PIN4: variants seen among roughly 807,000 people sequenced by gnomAD.
PIN4 encodes peptidylprolyl cis/trans isomerase, NIMA-interacting 4.
PIN4 carries 3 observed loss-of-function variants against 8.3 expected under a neutral mutation model. The observed-to-expected ratio is 0.36, with a 90% CI of 0.16 to 0.93. The LOEUF (loss-of-function observed/expected upper bound fraction) is 0.93, where lower values mean the gene tolerates loss of function less well. Among genes scored for constraint, PIN4 ranks in the 40% least tolerant of loss-of-function variants. The probability of loss-of-function intolerance (pLI) is 0.44; values close to 1 mark genes in which losing one functional copy is unlikely to be tolerated. For synonymous variants in PIN4, 18 were observed against 32.5 expected, an observed-to-expected ratio of 0.55 and a Z score of 1.52; for missense variants, 75 against 100.6, an observed-to-expected ratio of 0.75 and a Z score of 1.09.
At chrX:72,196,646 G>T in intron 2 of PIN4, 139 bp from the exon 3 acceptor site, 1 of 465,481 alleles carries the variant, frequency 2.1e-6, no homozygotes, top group Non-Finnish European at 3.5e-6. Flanking sequence ...GTTGTCCTGG[G>T]CAAACTTCCA....
downstream of PIN4, among the ~76,000 whole-genome samples, chrX:72,203,285 A>G (rs763155999): frequency 8.0e-5 from 9 of 111,984 alleles, no homozygotes; most frequent in Non-Finnish European, 1.5e-4. Context: ...TGTAGTCTTT[A>G]TAATAAGCTG....
intron 3 of PIN4, among the ~76,000 whole-genome samples, chrX:72,239,384 G>T (rs1303561799): frequency 8.9e-6 from 1 of 112,537 alleles, no homozygotes; most frequent in Non-Finnish European, 1.9e-5. Flanking sequence ...CGCATCCACA[G>T]ATATCTTCCC....
intron 3 of PIN4, chrX:72,207,146 C>T (rs746226184): frequency 5.0e-6 from 6 of 1,211,435 alleles, no homozygotes; most frequent in South Asian, 1.8e-5. Context: ...GTTAAACCGA[C>T]ACCACCTACT....
chrX:72,233,038 G>A (rs1440727759), intron 3 of PIN4, among the ~76,000 whole-genome samples: 1 of 111,361 alleles, frequency 9.0e-6, no homozygotes, highest in Non-Finnish European at 1.9e-5. Context: ...TATCCTGAAC[G>A]TATTACTTCC....
At chrX:72,198,684 T>C (rs2042778468), downstream of PIN4, 1 of 111,480 alleles carries the variant, frequency 9.0e-6, no homozygotes, top group Admixed American at 9.5e-5. Flanking sequence ...GTGTCAGCAC[T>C]AAGTTCAGCA....
intron 3 of PIN4, among the ~76,000 whole-genome samples, chrX:72,242,786 C>T (rs1485573175): frequency 1.8e-5 from 2 of 112,237 alleles, no homozygotes; most frequent in Non-Finnish European, 1.9e-5. Context: ...GAGGCCGAGG[C>T]GGGCGGATCA....
chrX:72,214,532 G>A (rs2042875905), intron 3 of PIN4, among the ~76,000 whole-genome samples: 1 of 110,056 alleles, frequency 9.1e-6, no homozygotes, highest in Admixed American at 9.7e-5. Flanking sequence ...AATTAGCCAG[G>A]CATGGTGGCA....
chrX:72,210,259 T>A (rs2042846730), intron 3 of PIN4, among the ~76,000 whole-genome samples: 1 of 108,460 alleles, frequency 9.2e-6, no homozygotes, highest in Non-Finnish European at 1.9e-5. Context: ...AAAAAAGATA[T>A]ACAGATGGGC....
chrX:72,183,530 G>A (rs773704398), intron 1 of PIN4, among the ~76,000 whole-genome samples: 1 of 111,473 alleles, frequency 9.0e-6, no homozygotes, highest in Non-Finnish European at 1.9e-5. Flanking sequence ...GTTTTAAAGA[G>A]AGAGGGTATA....
chrX:72,182,260 G>A lies in PIN4; in HGVS notation c.43+432G>A, dbSNP rs759388462. 2.5e-3 allele frequency among the ~76,000 whole-genome samples: 278 copies of A among 112,394 alleles called. 2 individuals are homozygous for A. The highest frequency in any genetic ancestry group is 4.2e-3 in the Non-Finnish European group (222 of 53,277). On this transcript the variant is annotated intron_variant, in intron 1 of 3. Transcript: ENST00000373669. ...CTGAGGATACACAAATAAGACAGAA[G>A]GCTGGGCGCGGTGGCTCACGCCTAT... is the stretch of plus-strand genomic sequence containing the variant.
chrX:72,223,967 C>T (rs901630452), intron 3 of PIN4, among the ~76,000 whole-genome samples: 1 of 111,052 alleles, frequency 9.0e-6, no homozygotes, highest in Non-Finnish European at 1.9e-5. Context: ...AATGGATACA[C>T]CCTCCCTGTT....
At chrX:72,206,007 G>A (rs1569489703) in intron 3 of PIN4, 2 of 1,211,563 alleles carry the variant, frequency 1.7e-6, no homozygotes, top group South Asian at 3.5e-5. Context: ...ATGCTGAAAG[G>A]TCATCAGCTA....
chrX:72,192,128 G>T (rs1275670964), intron 2 of PIN4, among the ~76,000 whole-genome samples: 3 of 110,356 alleles, frequency 2.7e-5, no homozygotes, highest in East Asian at 5.7e-4. Flanking sequence ...ATTGTTTGTA[G>T]TTTTAGTAGA....
rs759122393 is a variant in PIN4, at chrX:72,208,231, G to A, written c.312+11327G>A. 3 of 1,211,458 alleles carry A rather than the reference G, an allele frequency of 2.5e-6. No homozygotes were observed. In the South Asian group the frequency reaches 5.3e-5, roughly 21 times the overall value. ...GTTTCTGGTCCGTTCATCCTTGCTA[G>A]GACCATGAAAGGTTTTGACTCTCAT... On this transcript the variant is annotated intron_variant, in intron 3 of 3. Coordinates refer to the PIN4 transcript ENST00000423432.
intron 3 of PIN4, among the ~76,000 whole-genome samples, chrX:72,214,445 G>A (rs1348122082): frequency 9.0e-6 from 1 of 111,143 alleles, no homozygotes; most frequent in Admixed American, 9.6e-5. Flanking sequence ...AGGCCGAGGC[G>A]GTTGGATCAC....
At chrX:72,261,112 T>C (rs150971877) in intron 3 of PIN4, among the ~76,000 whole-genome samples, 7,989 of 109,981 alleles carry the variant, frequency 0.073, 482 homozygotes, top group East Asian at 0.48. Flanking sequence ...AGCCTGGACA[T>C]GGTGAAACCC....
At chrX:72,216,511 A>G (rs1332803606) in intron 3 of PIN4, among the ~76,000 whole-genome samples, 1 of 112,078 alleles carries the variant, frequency 8.9e-6, no homozygotes, top group Non-Finnish European at 1.9e-5. Context: ...ACGTGTAATC[A>G]TCACCACTAT....
chrX:72,248,643 C>T (rs1306765515), intron 3 of PIN4, among the ~76,000 whole-genome samples: 3 of 112,149 alleles, frequency 2.7e-5, no homozygotes, highest in African/African-American at 9.7e-5. Context: ...TTTGGGAGGC[C>T]AAGGCGGTGG....
At chrX:72,186,016 T>G (rs1382670418) in intron 1 of PIN4, among the ~76,000 whole-genome samples, 1 of 111,523 alleles carries the variant, frequency 9.0e-6, no homozygotes, top group African/African-American at 3.3e-5. Flanking sequence ...CTCATTTGTG[T>G]ATCCATTTTC....
Sources: allele counts gnomAD v4.1 joint callset (sites outside exome capture counted in the v4.1 genomes callset), GRCh38; gene constraint gnomAD v4.1.1; transcripts MANE v1.5; gene names NCBI Gene and HGNC (gene_info 2026-07-23, HGNC 2026-07-21).